The following LHFPL3 variants were observed in gnomAD, a reference collection of about 807,000 sequenced individuals.
The protein encoded by LHFPL3 is LHFPL tetraspan subfamily member 3 protein.
Under a neutral mutation model 19.3 loss-of-function variants are expected in LHFPL3, and 5 were observed. The ratio of observed to expected loss-of-function variants is 0.26; its 90% confidence interval spans 0.14 to 0.54. The LOEUF is 0.54. Ranked by LOEUF, LHFPL3 falls within the 20% of genes least tolerant of loss-of-function variation. The pLI, the probability that LHFPL3 is intolerant of heterozygous loss-of-function variation, is 0.94. For synonymous variants in LHFPL3, 133 were observed against 126.2 expected, an observed-to-expected ratio of 1.05 and a Z score of -0.36; for missense variants, 249 against 307.4, an observed-to-expected ratio of 0.81 and a Z score of 1.42.
intron 1 of LHFPL3, among the ~76,000 whole-genome samples, chr7:104,623,487 G>C (rs763758200): frequency 6.6e-6 from 1 of 152,106 alleles, no homozygotes; most frequent in Non-Finnish European, 1.5e-5. Context: ...AAAACTAGCC[G>C]GGCATGGTGG....
intron 2 of LHFPL3, among the ~76,000 whole-genome samples, chr7:104,790,565 G>A (rs1790005907): frequency 6.6e-6 from 1 of 152,048 alleles, no homozygotes; most frequent in South Asian, 2.1e-4. Context: ...GTACAACATT[G>A]TATCCTGTTT....
At chr7:104,741,579 A>C (rs950685255) in intron 2 of LHFPL3, among the ~76,000 whole-genome samples, 1 of 149,992 alleles carries the variant, frequency 6.7e-6, no homozygotes, top group Non-Finnish European at 1.5e-5. Context: ...TCTGTTGCCC[A>C]GGCCAGAGAG....
At position 104,736,763 on chromosome 7, in the gene LHFPL3, G is replaced by C; in HGVS notation, c.534G>C (p.Lys178Asn). 1.9e-6 allele frequency: 3 copies of C among 1,613,722 alleles called. No individual in the cohort carries two copies. Among genetic ancestry groups the C allele is most frequent in the Non-Finnish European group, 1.7e-6 (2 of 1,179,826 alleles). ...VKRMCGEKTDKYTLGACSVRW... is the reference protein window; with the variant it reads ...VKRMCGEKTDNYTLGACSVRW... ...GGATGTGTGGAGAAAAGACAGACAA[G>C]TACACTCTTGGGGCTTGCTCAGTCC... is the stretch of plus-strand genomic sequence containing the variant. The change falls in exon 2 of 3, where the codon AAG becomes AAC. Residue 178 changes from lysine (K) to asparagine (N), a missense_variant. Coordinates refer to ENST00000424859, the MANE Select transcript of LHFPL3 (RefSeq NM_199000.3).
At chr7:104,512,392 A>C (rs1793836056) in intron 1 of LHFPL3, among the ~76,000 whole-genome samples, 1 of 152,032 alleles carries the variant, frequency 6.6e-6, no homozygotes, top group Non-Finnish European at 1.5e-5. Context: ...CCATAAACTC[A>C]TGCGCTGCCT....
In LHFPL3 at chr7:104,328,788, AGCCGCCGCCGCT is replaced by A. The variant is rs766014697; in HGVS notation, c.21_32del (p.Ala11_Ala14del). 202 of 1,593,310 alleles carry A rather than the reference AGCCGCCGCCGCT, an allele frequency of 1.3e-4. No individual in the cohort carries two copies. The highest frequency in any genetic ancestry group is 1.7e-4 in the Middle Eastern group (1 of 5,948). On this transcript the variant is annotated inframe_deletion, in exon 1 of 3. Coordinates refer to ENST00000424859, the MANE Select transcript of LHFPL3 (RefSeq NM_199000.3). The surrounding 1 kb of genome is among the most constrained non-coding windows in gnomAD (Gnocchi z 4.6). ...GGAGGAGGAGGGGGAGAATGCCCGG[AGCCGCCGCCGCT>A]GCCGCCGCCGCCGCCGCCGCGATGC...
intron 1 of LHFPL3, among the ~76,000 whole-genome samples, chr7:104,465,212 C>A (rs1257345195): frequency 6.6e-6 from 1 of 151,812 alleles, no homozygotes; most frequent in Non-Finnish European, 1.5e-5. Flanking sequence ...CATTGGACTT[C>A]ATTGTCCATA....
chr7:104,804,977 C>T (rs548571845), intron 2 of LHFPL3, among the ~76,000 whole-genome samples: 16 of 152,298 alleles, frequency 1.1e-4, no homozygotes, highest in South Asian at 8.3e-4. Context: ...TCTGCTCCCA[C>T]ACCCCTTTTA....
At chr7:104,747,440 T>G (rs1400973053) in intron 2 of LHFPL3, among the ~76,000 whole-genome samples, 1 of 152,214 alleles carries the variant, frequency 6.6e-6, no homozygotes, top group Non-Finnish European at 1.5e-5. Flanking sequence ...ATCCCCCGTG[T>G]AGAAAATACG....
chr7:104,675,803 T>A (rs1196843353), intron 1 of LHFPL3, among the ~76,000 whole-genome samples: 1 of 152,020 alleles, frequency 6.6e-6, no homozygotes, highest in Non-Finnish European at 1.5e-5. Context: ...ATTTTCAGGA[T>A]GGAAGACTGT....
chr7:104,722,056 C>A (rs562642168), intron 1 of LHFPL3, among the ~76,000 whole-genome samples: 2 of 151,988 alleles, frequency 1.3e-5, no homozygotes, highest in Non-Finnish European at 2.9e-5. Flanking sequence ...TGGGTATTAA[C>A]CCTTAAAATT....
intron 2 of LHFPL3, among the ~76,000 whole-genome samples, chr7:104,800,363 C>T (rs937049584): frequency 5.3e-5 from 8 of 152,250 alleles, no homozygotes; most frequent in African/African-American, 1.4e-4. Flanking sequence ...AGAGTAAGTG[C>T]GATCTCCGTT....
chr7:104,401,661 G>C (rs1791314068), intron 1 of LHFPL3, among the ~76,000 whole-genome samples: 1 of 152,108 alleles, frequency 6.6e-6, no homozygotes, highest in African/African-American at 2.4e-5. Flanking sequence ...AGAATATTTA[G>C]AAAATAGCAG....
intron 1 of LHFPL3, among the ~76,000 whole-genome samples, chr7:104,466,338 G>A (rs1260306996): frequency 6.6e-6 from 1 of 152,138 alleles, no homozygotes; most frequent in Admixed American, 6.5e-5. Flanking sequence ...GAATTGAAGG[G>A]CTAAAGTGCA....
chr7:104,850,915 T>C (rs148409109), intron 2 of LHFPL3, among the ~76,000 whole-genome samples: 1 of 152,214 alleles, frequency 6.6e-6, no homozygotes, highest in African/African-American at 2.4e-5. Context: ...GATTTAGAAG[T>C]TCTGCAGTGG....
chr7:104,681,114 G>A lies in LHFPL3; in HGVS notation c.446-55561G>A, dbSNP rs1350708948. 3.3e-5 allele frequency among the ~76,000 whole-genome samples: 5 copies of A among 150,270 alleles called. No homozygotes were observed. The South Asian group carries it at 6.3e-4, about 19-fold the overall frequency. On this transcript the variant is annotated intron_variant, in intron 1 of 2. Transcript: ENST00000424859. ...TATTAAGTATAAGGGATTGTGCTAC[G>A]TGCTTAACATACCTTTTGGTTTTTT...
intron 2 of LHFPL3, among the ~76,000 whole-genome samples, chr7:104,858,076 A>G (rs1584579904): frequency 1.3e-5 from 2 of 152,336 alleles, no homozygotes; most frequent in Middle Eastern, 3.4e-3. Context: ...AGTTTTCCTC[A>G]GCCCATTTAA....
intron 2 of LHFPL3, among the ~76,000 whole-genome samples, chr7:104,805,440 ATGT>A (rs1790340724): frequency 6.6e-6 from 1 of 152,186 alleles, no homozygotes; most frequent in African/African-American, 2.4e-5. Context: ...CAATGTAGTG[ATGT>A]TGTCACCTGT....
At chr7:104,458,369 G>A (rs1054591642) in intron 1 of LHFPL3, among the ~76,000 whole-genome samples, 2 of 152,186 alleles carry the variant, frequency 1.3e-5, no homozygotes, top group Non-Finnish European at 2.9e-5. Context: ...TTATTAAATA[G>A]GGAATCCTTT....
chr7:104,397,294 C>A (rs1018444014), intron 1 of LHFPL3, among the ~76,000 whole-genome samples: 1 of 152,098 alleles, frequency 6.6e-6, no homozygotes, highest in African/African-American at 2.4e-5. Context: ...CTGTTAGCCC[C>A]AAAAGTAGAG....
Sources: allele counts gnomAD v4.1 joint callset (sites outside exome capture counted in the v4.1 genomes callset), GRCh38; gene constraint gnomAD v4.1.1; non-coding constraint Gnocchi (gnomAD v3.1); transcripts MANE v1.5; gene names NCBI Gene and HGNC (gene_info 2026-07-23, HGNC 2026-07-21).